Variants in RAB8B observed in about 807,000 individuals in gnomAD.
RAB8B encodes ras-related protein Rab-8B.
RAB8B carries 11 observed loss-of-function variants against 32.0 expected under a neutral mutation model. That is an observed-to-expected ratio of 0.34 (90% CI 0.22 to 0.57). The LOEUF (loss-of-function observed/expected upper bound fraction) is 0.57. RAB8B is among the 20% of genes least tolerant of loss of function. The probability of loss-of-function intolerance (pLI) is 0.86; values close to 1 mark genes in which losing one functional copy is unlikely to be tolerated. For synonymous variants in RAB8B, 103 were observed against 89.6 expected (o/e 1.15, Z -0.85); for missense variants, 190 against 258.5 (o/e 0.73, Z 1.82).
chr15:63,225,881 C>T (rs545885741), intron 1 of RAB8B, among the ~76,000 whole-genome samples: 21 of 152,188 alleles, frequency 1.4e-4, no homozygotes, highest in Admixed American at 5.9e-4. Flanking sequence ...CGCTCTGTCA[C>T]CCAGGATGGA....
intron 1 of RAB8B, among the ~76,000 whole-genome samples, chr15:63,201,775 G>T (rs1303789617): frequency 6.6e-6 from 1 of 152,140 alleles, no homozygotes; most frequent in Non-Finnish European, 1.5e-5. Context: ...CTAAAGTTCT[G>T]AGAGGGTAGT....
chr15:63,217,497 C>T (rs1567012200), intron 1 of RAB8B, among the ~76,000 whole-genome samples: 1 of 152,152 alleles, frequency 6.6e-6, no homozygotes. Flanking sequence ...TATAATAACT[C>T]CAGATCCTTG....
intron 1 of RAB8B, among the ~76,000 whole-genome samples, chr15:63,200,104 T>C (rs2037635240): frequency 6.6e-6 from 1 of 152,238 alleles, no homozygotes; most frequent in Non-Finnish European, 1.5e-5. Flanking sequence ...CAGGCCTCGA[T>C]GGTCTTCAGG....
At chr15:63,251,345 A>G in intron 3 of RAB8B, 1 of 455,606 alleles carries the variant, frequency 2.2e-6, no homozygotes, top group Non-Finnish European at 4.4e-6. Flanking sequence ...GTTTACAGGT[A>G]ATTCTGATTA....
chr15:63,245,904 C>T (rs1260189562), intron 2 of RAB8B, among the ~76,000 whole-genome samples: 2 of 152,074 alleles, frequency 1.3e-5, no homozygotes, highest in Non-Finnish European at 2.9e-5. Flanking sequence ...CAGAGTTTCG[C>T]TCTTGTTGCC....
intron 1 of RAB8B, among the ~76,000 whole-genome samples, chr15:63,221,984 G>C (rs956664209): frequency 6.6e-6 from 1 of 152,052 alleles, no homozygotes; most frequent in African/African-American, 2.4e-5. Context: ...TGTAGCCCTT[G>C]GTCAGTTTTC....
intron 1 of RAB8B, among the ~76,000 whole-genome samples, chr15:63,201,004 G>T (rs954740576): frequency 2.6e-5 from 4 of 152,106 alleles, no homozygotes; most frequent in Admixed American, 2.6e-4. Flanking sequence ...GGGGTTAAAA[G>T]GGAGTGGCTG....
chr15:63,252,357 T>C (rs1469876255), intron 3 of RAB8B, among the ~76,000 whole-genome samples: 2 of 152,178 alleles, frequency 1.3e-5, no homozygotes, highest in Non-Finnish European at 2.9e-5. Context: ...GAAGAAGTAT[T>C]GTCCTCATTC....
chr15:63,197,370 C>CTTTTTTTTTTT (rs58765418), intron 1 of RAB8B, among the ~76,000 whole-genome samples: 25 of 61,440 alleles, frequency 4.1e-4, no homozygotes, highest in Admixed American at 6.0e-4. Flanking sequence ...TCTTTCTTTT[C>CTTTTTTTTTTT]TTTTTTTTTT....
chr15:63,193,325 G>A (rs1462393073), intron 1 of RAB8B, among the ~76,000 whole-genome samples: 1 of 152,110 alleles, frequency 6.6e-6, no homozygotes, highest in Non-Finnish European at 1.5e-5. Flanking sequence ...GTGTTGGAAG[G>A]TAGATTTTCT....
At chr15:63,244,680 GA>G (rs2038057710) in intron 1 of RAB8B, 75 bp from the exon 2 acceptor site, 1 of 1,199,886 alleles carries the variant, frequency 8.3e-7, no homozygotes, top group Non-Finnish European at 1.2e-6. Context: ...TTTTTCAATA[GA>G]AATCTTTGTC....
intron 1 of RAB8B, among the ~76,000 whole-genome samples, chr15:63,193,904 A>G (rs1219563892): frequency 1.3e-5 from 2 of 152,226 alleles, no homozygotes; most frequent in African/African-American, 2.4e-5. Flanking sequence ...ACAGTTAGCT[A>G]TAGATTATAT....
chr15:63,229,355 C>T (rs1006499382), intron 1 of RAB8B, among the ~76,000 whole-genome samples: 3 of 152,182 alleles, frequency 2.0e-5, no homozygotes, highest in Non-Finnish European at 4.4e-5. Flanking sequence ...AATGAGTCTT[C>T]GGTATCTTAT....
At chr15:63,235,896 C>T (rs1012297364) in intron 1 of RAB8B, among the ~76,000 whole-genome samples, 6 of 152,008 alleles carry the variant, frequency 3.9e-5, no homozygotes, top group African/African-American at 1.5e-4. Flanking sequence ...AGTTGGTGGA[C>T]GTTTAAGTTG....
intron 1 of RAB8B, among the ~76,000 whole-genome samples, chr15:63,237,577 A>G (rs1211969457): frequency 2.6e-5 from 4 of 152,098 alleles, no homozygotes; most frequent in Non-Finnish European, 5.9e-5. Context: ...TTAAAATCAG[A>G]TTATAAGATT....
chr15:63,219,323 GAA>G (rs1450967439), intron 1 of RAB8B, among the ~76,000 whole-genome samples: 1 of 151,296 alleles, frequency 6.6e-6, no homozygotes, highest in African/African-American at 2.4e-5. Context: ...AAGAAAGAGA[GAA>G]AGAGATCGAG....
intron 6 of RAB8B, among the ~76,000 whole-genome samples, chr15:63,260,150 A>G (rs767576097): frequency 1.2e-4 from 19 of 152,158 alleles, no homozygotes; most frequent in Non-Finnish European, 2.8e-4. Flanking sequence ...ATTTTTATGT[A>G]GACGCTGGTT....
intron 2 of RAB8B, 71 bp downstream of exon 2, chr15:63,244,887 A>G: frequency 1.5e-6 from 2 of 1,343,198 alleles, no homozygotes; most frequent in Non-Finnish European, 2.1e-6. Flanking sequence ...GTGAATTGTA[A>G]TAAGTTAGAG....
intron 1 of RAB8B, among the ~76,000 whole-genome samples, chr15:63,226,063 C>T (rs62012877): frequency 0.38 from 57,836 of 152,004 alleles, 12,411 homozygotes; most frequent in Non-Finnish European, 0.5. Flanking sequence ...TGGTCTTGAA[C>T]TCCTGGGCTC....
Sources: allele counts gnomAD v4.1 joint callset (sites outside exome capture counted in the v4.1 genomes callset), GRCh38; gene constraint gnomAD v4.1.1; transcripts MANE v1.5; gene names NCBI Gene and HGNC (gene_info 2026-07-23, HGNC 2026-07-21).